The following DUSP14 variants were observed in gnomAD, a reference collection of about 807,000 sequenced individuals.
DUSP14 encodes the protein dual specificity protein phosphatase 14.
In DUSP14, 5 loss-of-function variants were observed where a neutral mutation model predicts 13.2. The ratio of observed to expected loss-of-function variants is 0.38; its 90% confidence interval spans 0.20 to 0.80. The LOEUF is 0.80. Ranked by LOEUF, DUSP14 falls within the 30% of genes least tolerant of loss-of-function variation. DUSP14 has a pLI of 0.44. For missense variants in DUSP14, 185 were observed against 264.0 expected, an observed-to-expected ratio of 0.70 and a Z score of 2.07; for synonymous variants, 91 against 103.4, an observed-to-expected ratio of 0.88 and a Z score of 0.73.
In DUSP14 at chr17:37,497,202, G is replaced by A. The variant is rs887856152; in HGVS notation, c.-181+7244G>A. Among the ~76,000 whole-genome samples the A allele has an allele frequency of 3.3e-5, 5 of 151,788 alleles. No homozygotes were observed. In the East Asian group the frequency reaches 7.8e-4, roughly 24 times the overall value. ...CTCTTCCCCAGGCTGGAGTTCAGTG[G>A]CACAATCTCAGCTCACTGCAACCTC... On this transcript the variant is annotated intron_variant, in intron 1 of 2. Coordinates refer to ENST00000617516, the MANE Select transcript of DUSP14 (RefSeq NM_007026.4).
At chr17:37,495,464 T>G (rs539715705) in intron 1 of DUSP14, among the ~76,000 whole-genome samples, 12 of 152,190 alleles carry the variant, frequency 7.9e-5, no homozygotes, top group African/African-American at 1.2e-4. Flanking sequence ...GGGCAAGTTT[T>G]TTTGTTTGTT....
chr17:37,510,289 T>C (rs1047155798), intron 1 of DUSP14: 2 of 152,354 alleles, frequency 1.3e-5, no homozygotes, highest in Admixed American at 6.5e-5. Flanking sequence ...CGCCCAGGCC[T>C]TCCCACTGCA....
chr17:37,496,601 A>C (rs1304162493), intron 1 of DUSP14, among the ~76,000 whole-genome samples: 1 of 152,184 alleles, frequency 6.6e-6, no homozygotes, highest in Non-Finnish European at 1.5e-5. Context: ...TGAAAATACA[A>C]AAATTAGCCG....
chr17:37,498,548 G>A (rs191877679), intron 1 of DUSP14, among the ~76,000 whole-genome samples: 153 of 151,804 alleles, frequency 1.0e-3, no homozygotes, highest in South Asian at 8.5e-3. Flanking sequence ...GGATGGTCTC[G>A]ATCTCCTGAC....
chr17:37,509,276 T>C (rs1378077557), intron 1 of DUSP14, among the ~76,000 whole-genome samples: 2 of 36,936 alleles, frequency 5.4e-5, no homozygotes, highest in African/African-American at 2.5e-4. Context: ...TATATATATA[T>C]ATATATATAT....
intron 2 of DUSP14, among the ~76,000 whole-genome samples, chr17:37,511,929 C>G (rs200844507): frequency 0.087 from 4,851 of 55,702 alleles, 475 homozygotes; most frequent in East Asian, 0.42. Context: ...CCACCCCCCC[C>G]CCACCCCACT....
intron 1 of DUSP14, among the ~76,000 whole-genome samples, chr17:37,495,145 A>G (rs532407448): frequency 2.3e-4 from 35 of 152,270 alleles, no homozygotes; most frequent in Non-Finnish European, 8.8e-5. Context: ...TCCAGCGGGC[A>G]GCTTTCACAA....
chr17:37,513,011 A>G lies in DUSP14; in HGVS notation c.*142A>G, dbSNP rs2054204891. 5.7e-6 allele frequency: 4 copies of G among 700,714 alleles called. No individual in the cohort carries two copies. The highest frequency in any genetic ancestry group is 2.0e-5 in the South Asian group (1 of 50,234). The allele number at this position is 700,714 out of a possible 1,614,324, so 43.4% of individuals were successfully genotyped here. On this transcript the variant is annotated 3_prime_UTR_variant, in exon 3 of 3. Transcript: ENST00000617516. Reference sequence around the variant, plus strand: ...TACACTGGGTGTTCAAATTTATTTTAAGAGATAGGGAGGGAGGGGACATAA... The same window carrying G: ...TACACTGGGTGTTCAAATTTATTTTGAGAGATAGGGAGGGAGGGGACATAA...
Position 37,512,453 on chromosome 17 carries a change from A to G in DUSP14, c.181A>G (p.Ile61Val). 1.2e-6 allele frequency: 2 copies of G among 1,614,160 alleles called. No individual in the cohort carries two copies. Among genetic ancestry groups the G allele is most frequent in the African/African-American group, 1.3e-5 (1 of 75,032 alleles). ...CATCACCTGCATTGTTAATGCTACC[A>G]TTGAGATCCCTAATTTCAACTGGCC... is the stretch of plus-strand genomic sequence containing the variant. Reference protein sequence around the residue: ...RGITCIVNATIEIPNFNWPQF... With the variant: ...RGITCIVNATVEIPNFNWPQF... Residue 61 changes from isoleucine to valine, a missense_variant, in exon 3 of 3, where the codon ATT becomes GTT. By Grantham distance (29) the Ile-to-Val change is conservative (BLOSUM62 3). Transcript: ENST00000617516. The surrounding 1 kb of genome is among the most constrained non-coding windows in gnomAD (Gnocchi z 4.8).
chr17:37,495,206 C>T (rs148195716), intron 1 of DUSP14, among the ~76,000 whole-genome samples: 289 of 152,206 alleles, frequency 1.9e-3, no homozygotes, highest in Non-Finnish European at 3.6e-3. Flanking sequence ...TCAGCCTGGG[C>T]GAGGGAGGAG....
intron 1 of DUSP14, among the ~76,000 whole-genome samples, chr17:37,504,466 T>C (rs2054124780): frequency 6.6e-6 from 1 of 152,222 alleles, no homozygotes; most frequent in South Asian, 2.1e-4. Context: ...ATCAGTTAAT[T>C]AATACAGTGA....
rs1018365076 is a variant in DUSP14, at chr17:37,507,885, A to C, written c.-180-2792A>C. Among the ~76,000 whole-genome samples the C allele has an allele frequency of 7.2e-5, 11 of 152,176 alleles. No homozygotes were observed. In the South Asian group the frequency reaches 1.2e-3, roughly 17 times the overall value. ...ATTACCACAGTGACTTTGCTTTTTA[A>C]ACCAGTAGGATTCTGCCAGGGAAGA... is the stretch of plus-strand genomic sequence containing the variant. On this transcript the variant is annotated intron_variant, in intron 1 of 2. Coordinates refer to ENST00000617516, the MANE Select transcript of DUSP14 (RefSeq NM_007026.4).
At chr17:37,495,518 A>C (rs1597966832) in intron 1 of DUSP14, among the ~76,000 whole-genome samples, 1 of 152,164 alleles carries the variant, frequency 6.6e-6, no homozygotes, top group South Asian at 2.1e-4. Flanking sequence ...GTGTGGGTAC[A>C]TATGAGAAAA....
chr17:37,500,944 G>A (rs532480060), intron 1 of DUSP14, among the ~76,000 whole-genome samples: 17 of 140,594 alleles, frequency 1.2e-4, no homozygotes, highest in African/African-American at 3.8e-4. Flanking sequence ...CCCCCTCCCC[G>A]CCCCAGCCAG....
chr17:37,500,605 C>T (rs540220194), intron 1 of DUSP14, among the ~76,000 whole-genome samples: 58 of 152,302 alleles, frequency 3.8e-4, no homozygotes, highest in African/African-American at 1.3e-3. Flanking sequence ...CACTTTGCCT[C>T]TAGATGTTCT....
chr17:37,495,973 G>A (rs1273820774), intron 1 of DUSP14, among the ~76,000 whole-genome samples: 1 of 151,998 alleles, frequency 6.6e-6, no homozygotes, highest in Non-Finnish European at 1.5e-5. Flanking sequence ...TAAGTTTTAA[G>A]GAAGCACTTG....
chr17:37,494,144 T>A (rs1274222110), intron 1 of DUSP14, among the ~76,000 whole-genome samples: 1 of 151,904 alleles, frequency 6.6e-6, no homozygotes, highest in Non-Finnish European at 1.5e-5. Context: ...CAGGTGCCCG[T>A]CACCATGCCC....
chr17:37,509,278 T>G (rs1370252788), intron 1 of DUSP14, among the ~76,000 whole-genome samples: 1 of 42,836 alleles, frequency 2.3e-5, no homozygotes, highest in African/African-American at 1.1e-4. Flanking sequence ...TATATATATA[T>G]ATATATATAT....
chr17:37,496,416 C>T (rs533160331), intron 1 of DUSP14, among the ~76,000 whole-genome samples: 11 of 151,066 alleles, frequency 7.3e-5, no homozygotes, highest in Admixed American at 4.0e-4. Context: ...CGAGACTAGC[C>T]TGACCAACAT....
Sources: gnomAD v4.1 joint callset for allele counts (sites outside exome capture counted in the v4.1 genomes callset) on GRCh38, gnomAD v4.1.1 for gene constraint, Gnocchi (gnomAD v3.1) non-coding constraint, MANE v1.5 for transcripts, NCBI Gene and HGNC (gene_info 2026-07-23, HGNC 2026-07-21) for gene names.